The following ADGRL3 variants were observed in gnomAD, a reference collection of about 807,000 sequenced individuals.
ADGRL3 encodes the protein calcium-independent alpha-latrotoxin receptor 3.
ADGRL3 carries 62 observed loss-of-function variants against 153.5 expected under a neutral mutation model. The observed-to-expected ratio is 0.40, with a 90% CI of 0.33 to 0.50. The LOEUF is 0.50. ADGRL3 is among the 20% of genes least tolerant of loss of function. The pLI is 0.47. For synonymous variants in ADGRL3, 710 were observed against 672.5 expected (o/e 1.06, Z -0.86); for missense variants, 1,641 against 1,859.4 (o/e 0.88, Z 2.16).
At chr4:61,457,715 A>G (rs1236561679) in intron 2 of ADGRL3, among the ~76,000 whole-genome samples, 2 of 151,850 alleles carry the variant, frequency 1.3e-5, no homozygotes, top group Non-Finnish European at 2.9e-5. Context: ...GTTTGCTACT[A>G]TGTGCTTGAG....
intron 4 of ADGRL3, among the ~76,000 whole-genome samples, chr4:61,536,947 C>T (rs756166484): frequency 4.6e-5 from 7 of 152,044 alleles, no homozygotes; most frequent in Non-Finnish European, 8.8e-5. Flanking sequence ...GCTTTGTACT[C>T]TCAATTATAT....
intron 1 of ADGRL3, among the ~76,000 whole-genome samples, chr4:61,248,065 C>T (rs1187432700): frequency 6.6e-6 from 1 of 152,072 alleles, no homozygotes. Context: ...GTAGTAATTT[C>T]ATTTAAAAGG....
intron 4 of ADGRL3, among the ~76,000 whole-genome samples, chr4:61,532,406 T>C (rs1400085073): frequency 6.6e-6 from 1 of 152,118 alleles, no homozygotes; most frequent in Non-Finnish European, 1.5e-5. Flanking sequence ...TGGTCCTGAT[T>C]GTTCACTCCC....
At chr4:61,203,736 A>G (rs1279713403) in intron 1 of ADGRL3, among the ~76,000 whole-genome samples, 1 of 152,200 alleles carries the variant, frequency 6.6e-6, no homozygotes, top group African/African-American at 2.4e-5. Flanking sequence ...ATATTTTTCC[A>G]TCTGTAATGA....
At chr4:61,358,493 A>C (rs978537522) in intron 1 of ADGRL3, among the ~76,000 whole-genome samples, 4 of 148,326 alleles carry the variant, frequency 2.7e-5, no homozygotes, top group Non-Finnish European at 5.9e-5. Flanking sequence ...GCTACTAGGG[A>C]GGCTGAGGCA....
At chr4:61,799,795 G>GA (rs1366907394) in intron 8 of ADGRL3, among the ~76,000 whole-genome samples, 1 of 151,530 alleles carries the variant, frequency 6.6e-6, no homozygotes, top group African/African-American at 2.4e-5. Flanking sequence ...AGATAGTGAT[G>GA]ATACAGGCAA....
At chr4:61,784,143 C>T (rs1014311681) in intron 8 of ADGRL3, among the ~76,000 whole-genome samples, 48 of 151,890 alleles carry the variant, frequency 3.2e-4, no homozygotes, top group African/African-American at 8.7e-4. Context: ...ATAACTTTGA[C>T]GAAGATATAG....
intron 25 of ADGRL3, among the ~76,000 whole-genome samples, chr4:62,055,734 G>A (rs573301732): frequency 1.3e-4 from 20 of 151,590 alleles, no homozygotes; most frequent in South Asian, 1.2e-3. Flanking sequence ...AAAGTAGCCC[G>A]ACAAAGTTGA....
At chr4:62,053,359 A>G (rs1042426570) in intron 25 of ADGRL3, among the ~76,000 whole-genome samples, 1 of 151,602 alleles carries the variant, frequency 6.6e-6, no homozygotes, top group Non-Finnish European at 1.5e-5. Context: ...AGCACTTTAT[A>G]TAGCTCAGCT....
At chr4:61,348,529 C>A (rs968051640) in intron 1 of ADGRL3, among the ~76,000 whole-genome samples, 14 of 151,920 alleles carry the variant, frequency 9.2e-5, no homozygotes, top group Non-Finnish European at 1.8e-4. Flanking sequence ...ATAATCTTAA[C>A]ATACATTAAC....
At chr4:61,401,957 G>A (rs1341500830) in intron 2 of ADGRL3, among the ~76,000 whole-genome samples, 1 of 152,078 alleles carries the variant, frequency 6.6e-6, no homozygotes, top group Non-Finnish European at 1.5e-5. Flanking sequence ...TGAAGGATAT[G>A]TGGTCTTTCC....
chr4:61,713,002 G>T (rs1561108293), intron 6 of ADGRL3, among the ~76,000 whole-genome samples: 1 of 152,156 alleles, frequency 6.6e-6, no homozygotes, highest in Non-Finnish European at 1.5e-5. Context: ...CCCGAAAAAT[G>T]ATGAGACCTG....
chr4:62,028,749 G>C, intron 21 of ADGRL3, 106 bp from the exon 22 acceptor site: 1 of 758,960 alleles, frequency 1.3e-6, no homozygotes, highest in South Asian at 1.8e-5. Flanking sequence ...TTAGGGAGGT[G>C]GGGGACAGAG....
chr4:61,258,814 CTCATATATA>C (rs1462360317), intron 1 of ADGRL3, among the ~76,000 whole-genome samples: 1 of 152,096 alleles, frequency 6.6e-6, no homozygotes, highest in Non-Finnish European at 1.5e-5. Flanking sequence ...AATCACTTCA[CTCATATATA>C]TCACAAAAAT....
chr4:61,493,777 G>A (rs550777437), intron 2 of ADGRL3, among the ~76,000 whole-genome samples: 15 of 152,194 alleles, frequency 9.9e-5, no homozygotes, highest in Admixed American at 3.3e-4. Context: ...TGGAAATCCC[G>A]TGTTGTACCC....
At chr4:61,597,676 T>G (rs1469630946) in intron 5 of ADGRL3, among the ~76,000 whole-genome samples, 3 of 151,510 alleles carry the variant, frequency 2.0e-5, no homozygotes, top group Admixed American at 2.0e-4. Flanking sequence ...TTTTTTTACT[T>G]TTACAACTAT....
intron 1 of ADGRL3, among the ~76,000 whole-genome samples, chr4:61,245,504 G>A (rs1164126951): frequency 6.6e-6 from 1 of 151,908 alleles, no homozygotes; most frequent in East Asian, 1.9e-4. Context: ...TCTTTCTTTC[G>A]TGTACAACAC....
At chr4:61,884,519 T>C (rs1441468715) in intron 9 of ADGRL3, among the ~76,000 whole-genome samples, 4 of 152,186 alleles carry the variant, frequency 2.6e-5, no homozygotes, top group Non-Finnish European at 5.9e-5. Context: ...CCTGAATCCT[T>C]ACTTAGGGGA....
chr4:61,701,839 A>G (rs2095767891), intron 6 of ADGRL3, among the ~76,000 whole-genome samples: 1 of 152,114 alleles, frequency 6.6e-6, no homozygotes. Context: ...CAATAGAATC[A>G]TATTTTGGGA....
Sources: allele counts gnomAD v4.1 joint callset (sites outside exome capture counted in the v4.1 genomes callset), GRCh38; gene constraint gnomAD v4.1.1; transcripts MANE v1.5; gene names NCBI Gene and HGNC (gene_info 2026-07-23, HGNC 2026-07-21).